The following ESR1 variants were observed in gnomAD, a reference collection of about 807,000 sequenced individuals.
The protein encoded by ESR1 is estrogen receptor 1.
A neutral mutation model predicts 52.7 loss-of-function variants in ESR1; 12 were observed. That is an observed-to-expected ratio of 0.23 (90% CI 0.15 to 0.37). The LOEUF is 0.37. Among genes scored for constraint, ESR1 ranks in the 10% least tolerant of loss-of-function variants. The pLI is 1.00. For synonymous variants in ESR1, 305 were observed against 316.8 expected (o/e 0.96, Z 0.39); for missense variants, 584 against 779.7 (o/e 0.75, Z 2.99).
In ESR1 at chr6:152,082,078, T is replaced by C. The variant is rs183893772; in HGVS notation, c.1370-12307T>C. Reference sequence around the variant, plus strand: ...TTCCTTCAGAAACTATTCCAATCAATAGAAAAAGAGGGACTCCTCCCTAAC... The same window carrying C: ...TTCCTTCAGAAACTATTCCAATCAACAGAAAAAGAGGGACTCCTCCCTAAC... On this transcript the variant is annotated intron_variant, in intron 6 of 7. Coordinates refer to ENST00000206249, the MANE Select transcript of ESR1 (RefSeq NM_000125.4). Among the ~76,000 whole-genome samples the C allele has an allele frequency of 3.8e-3, 580 of 152,118 alleles. 2 individuals are homozygous for C. The highest frequency in any genetic ancestry group is 4.8e-3 in the South Asian group (23 of 4,824).
At chr6:152,082,899 C>T (rs1379388070) in intron 6 of ESR1, among the ~76,000 whole-genome samples, 2 of 152,180 alleles carry the variant, frequency 1.3e-5, no homozygotes, top group Admixed American at 1.3e-4. Context: ...AGGAATCCAA[C>T]TTACAAGGGA....
At chr6:151,734,476 AC>A (rs1782487691) in intron 2 of ESR1, among the ~76,000 whole-genome samples, 2 of 152,146 alleles carry the variant, frequency 1.3e-5, no homozygotes, top group Admixed American at 1.3e-4. Context: ...CATCTAGCTG[AC>A]AAAGCCCCAC....
At chr6:151,868,012 A>G (rs541539067) in intron 2 of ESR1, among the ~76,000 whole-genome samples, 1 of 151,618 alleles carries the variant, frequency 6.6e-6, no homozygotes, top group South Asian at 2.1e-4. Flanking sequence ...TTACAAAGGT[A>G]TATTGAGTGA....
chr6:151,723,251 G>A (rs1381137315), intron 2 of ESR1, among the ~76,000 whole-genome samples: 3 of 150,246 alleles, frequency 2.0e-5, no homozygotes, highest in African/African-American at 7.4e-5. Flanking sequence ...GGAGGTGAGG[G>A]ATGAGAAATT....
chr6:151,972,056 A>G (rs1053545012), intron 4 of ESR1, among the ~76,000 whole-genome samples: 4 of 152,136 alleles, frequency 2.6e-5, no homozygotes, highest in Non-Finnish European at 5.9e-5. Flanking sequence ...AACTTAAAGG[A>G]GATGGATAAA....
intron 5 of ESR1, among the ~76,000 whole-genome samples, chr6:152,034,113 G>T (rs1288392618): frequency 1.3e-5 from 2 of 148,796 alleles, no homozygotes; most frequent in Non-Finnish European, 3.0e-5. Context: ...GACACAGGAA[G>T]GGGAACATCA....
intron 1 of ESR1, among the ~76,000 whole-genome samples, chr6:151,818,996 C>T (rs1780124237): frequency 6.6e-6 from 1 of 152,156 alleles, no homozygotes; most frequent in African/African-American, 2.4e-5. Flanking sequence ...AGTCTCCTAA[C>T]TATTACTCCA....
intron 4 of ESR1, among the ~76,000 whole-genome samples, chr6:151,999,532 C>G (rs1285481021): frequency 2.6e-5 from 4 of 152,082 alleles, no homozygotes; most frequent in Non-Finnish European, 4.4e-5. Flanking sequence ...CTTAGCTCTT[C>G]AATCATTTTA....
At chr6:152,074,830 T>C (rs7766550) in intron 6 of ESR1, among the ~76,000 whole-genome samples, 31,173 of 152,106 alleles carry the variant, frequency 0.2, 4,395 homozygotes, top group African/African-American at 0.39. Context: ...TCGCATTTTT[T>C]GGATAATATC....
intron 1 of ESR1, among the ~76,000 whole-genome samples, chr6:151,668,801 A>G (rs1213914073): frequency 6.6e-6 from 1 of 152,136 alleles, no homozygotes; most frequent in East Asian, 1.9e-4. Context: ...TTAAAGATTT[A>G]AAAGAGCAGA....
intron 5 of ESR1, among the ~76,000 whole-genome samples, chr6:152,035,952 T>C (rs568637381): frequency 1.3e-5 from 2 of 152,232 alleles, no homozygotes; most frequent in Non-Finnish European, 2.9e-5. Flanking sequence ...CTAAAACTTT[T>C]ATAGGAAAAC....
At chr6:151,718,543 G>T (rs1419422917) in intron 2 of ESR1, among the ~76,000 whole-genome samples, 3 of 152,192 alleles carry the variant, frequency 2.0e-5, no homozygotes, top group African/African-American at 7.2e-5. Flanking sequence ...AGGACTGGGA[G>T]AAAAAGAAAT....
At chr6:151,749,693 C>G (rs892819190) in intron 2 of ESR1, among the ~76,000 whole-genome samples, 1 of 151,558 alleles carries the variant, frequency 6.6e-6, no homozygotes, top group Non-Finnish European at 1.5e-5. Flanking sequence ...CCCTGTGCCT[C>G]CACATTATTC....
chr6:151,791,173 A>G (rs1453531772), intron 2 of ESR1, among the ~76,000 whole-genome samples: 1 of 152,154 alleles, frequency 6.6e-6, no homozygotes, highest in Non-Finnish European at 1.5e-5. Flanking sequence ...ATCTGTGGTT[A>G]CAGGCTGATG....
chr6:152,096,821 T>C, intron 7 of ESR1: 1 of 355,734 alleles, frequency 2.8e-6, no homozygotes, highest in Non-Finnish European at 5.8e-6. Flanking sequence ...AATCCCTGGC[T>C]GAGAGAATAA....
At chr6:151,986,423 T>C (rs2040491221) in intron 4 of ESR1, among the ~76,000 whole-genome samples, 1 of 152,090 alleles carries the variant, frequency 6.6e-6, no homozygotes, top group African/African-American at 2.4e-5. Context: ...ACCATTTATG[T>C]TGAATTAAAC....
chr6:152,018,593 G>C (rs770688526), intron 5 of ESR1, among the ~76,000 whole-genome samples: 1 of 152,068 alleles, frequency 6.6e-6, no homozygotes, highest in Non-Finnish European at 1.5e-5. Context: ...TGGGGTGTTG[G>C]GGGTGGAAGG....
At chr6:152,026,894 T>C (rs956820103) in intron 5 of ESR1, among the ~76,000 whole-genome samples, 4 of 152,164 alleles carry the variant, frequency 2.6e-5, no homozygotes, top group Admixed American at 6.5e-5. Context: ...CAAAATCAAA[T>C]GATATCAATT....
intron 3 of ESR1, among the ~76,000 whole-genome samples, chr6:151,903,253 C>T (rs1299961798): frequency 6.6e-6 from 1 of 152,152 alleles, no homozygotes; most frequent in Non-Finnish European, 1.5e-5. Context: ...GAATTGCTAT[C>T]ATATTCTGTC....
Sources: allele counts gnomAD v4.1 joint callset (sites outside exome capture counted in the v4.1 genomes callset), GRCh38; gene constraint gnomAD v4.1.1; transcripts MANE v1.5; gene names NCBI Gene and HGNC (gene_info 2026-07-23, HGNC 2026-07-21).